SPACA6: variants seen among roughly 807,000 people sequenced by gnomAD.
SPACA6 encodes the protein sperm acrosome associated 6, also known as sperm acrosome membrane-associated protein 6.
For synonymous variants in SPACA6, 6 were observed against 1.5 expected, an observed-to-expected ratio of 4.05 and a Z score of -2.21; for missense variants, 8 against 2.8, an observed-to-expected ratio of 2.88 and a Z score of -1.34.
intron 2 of SPACA6, 75 bp downstream of exon 2, chr19:51,694,630 G>A: frequency 2.5e-6 from 1 of 399,316 alleles, no homozygotes; most frequent in Non-Finnish European, 4.4e-6. Context: ...GGAGGGCCCA[G>A]GGCAGAGGAA....
At chr19:51,693,987 G>A (rs75253143) in intron 1 of SPACA6, 23,368 of 340,252 alleles carry the variant, frequency 0.069, 1,023 homozygotes, top group Non-Finnish European at 0.089. Flanking sequence ...GAGAGGGGGA[G>A]GATGGAGACT....
intron 2 of SPACA6, among the ~76,000 whole-genome samples, chr19:51,697,497 G>A (rs1372301188): frequency 6.6e-6 from 1 of 152,154 alleles, no homozygotes; most frequent in East Asian, 1.9e-4. Context: ...TCCTCTACCG[G>A]CCCTGTGAGG....
chr19:51,689,946 C>T (rs1400340574), upstream of SPACA6, among the ~76,000 whole-genome samples: 4 of 135,250 alleles, frequency 3.0e-5, no homozygotes, highest in Non-Finnish European at 6.3e-5. Context: ...TAACGTCTGG[C>T]TGGAGGGGAG....
chr19:51,686,934 G>T (rs920917120), upstream of SPACA6: 4 of 152,154 alleles, frequency 2.6e-5, no homozygotes, highest in African/African-American at 9.7e-5. Flanking sequence ...CTAGAAGTAA[G>T]CATTTATCGA....
At position 51,703,994 on chromosome 19, in the gene SPACA6, CCG is replaced by C. The variant is rs1049781756; in HGVS notation, c.574-35_574-34del. 6 of 400,364 alleles carry C rather than the reference CCG, an allele frequency of 1.5e-5. No individual in the cohort carries two copies. The highest frequency in any genetic ancestry group is 1.3e-4 in the Admixed American group (3 of 22,702). The allele number at this position is 400,364 out of a possible 1,614,324, so 24.8% of individuals were successfully genotyped here. Reference sequence around the variant, plus strand: ...GGCTTGTAGGTTACTCAGTGGCAAGCCGGAGTTGAGGCGTTTAAACCCGCGTG... The same window carrying C: ...GGCTTGTAGGTTACTCAGTGGCAAGCGAGTTGAGGCGTTTAAACCCGCGTG... On this transcript the variant is annotated intron_variant, in intron 6 of 8. Transcript: ENST00000637797. This position sits in a 1 kb window ranked among gnomAD's most constrained non-coding sequence, Gnocchi z 4.2.
downstream of SPACA6, among the ~76,000 whole-genome samples, chr19:51,706,889 C>G (rs2083518646): frequency 6.6e-6 from 1 of 152,300 alleles, no homozygotes; most frequent in Non-Finnish European, 1.5e-5. Context: ...AAACTCCTCA[C>G]CTCAGGTGAT....
At chr19:51,688,668 G>A (rs1007548260), upstream of SPACA6, among the ~76,000 whole-genome samples, 1 of 152,096 alleles carries the variant, frequency 6.6e-6, no homozygotes, top group Non-Finnish European at 1.5e-5. Context: ...GAAAGCGAGA[G>A]AGAGGAAGAA....
chr19:51,694,935 G>C (rs2083415873), intron 2 of SPACA6, among the ~76,000 whole-genome samples: 1 of 151,996 alleles, frequency 6.6e-6, no homozygotes, highest in Admixed American at 6.6e-5. Context: ...CAATCTTCTT[G>C]CCTCCTAGGA....
chr19:51,693,496 T>C lies in SPACA6; in HGVS notation c.-31T>C. 1.9e-6 allele frequency: 1 copy of C among 516,206 alleles called. No homozygotes were observed. The highest frequency in any genetic ancestry group is 1.9e-5 in the African/African-American group (1 of 53,298). The allele number at this position is 516,206 out of a possible 1,614,324, so 32.0% of individuals were successfully genotyped here. A position where few individuals can be genotyped will look rare whatever the true frequency, so the allele number is the denominator to read the frequency against. ...CCTGTGGTGACTTCATAAAGGTTACTAGCTTCTCCCCTGGCCTTGAGACCC... is the reference window on the plus strand; with the variant it reads ...CCTGTGGTGACTTCATAAAGGTTACCAGCTTCTCCCCTGGCCTTGAGACCC... On this transcript the variant is annotated 5_prime_UTR_variant, in exon 1 of 9. Transcript: ENST00000637797.
chr19:51,708,882 G>A (rs548398891), downstream of SPACA6, among the ~76,000 whole-genome samples: 14 of 151,970 alleles, frequency 9.2e-5, no homozygotes, highest in East Asian at 2.7e-3. Flanking sequence ...ACTGTTCCAG[G>A]CAAAAATTTA....
chr19:51,689,251 G>A (rs1464661577), upstream of SPACA6: 8 of 152,022 alleles, frequency 5.3e-5, no homozygotes, highest in East Asian at 1.6e-3. Flanking sequence ...GCCAGCTCCG[G>A]GGCAGGGGGG....
upstream of SPACA6, among the ~76,000 whole-genome samples, chr19:51,684,641 G>A (rs1464341906): frequency 6.6e-6 from 1 of 152,100 alleles, no homozygotes; most frequent in African/African-American, 2.4e-5. Flanking sequence ...CAGCTTCCCT[G>A]GGCCAAACTG....
At chr19:51,695,264 A>G (rs748659177) in intron 2 of SPACA6, among the ~76,000 whole-genome samples, 18 of 152,188 alleles carry the variant, frequency 1.2e-4, no homozygotes, top group Non-Finnish European at 2.6e-4. Flanking sequence ...AAGAGACCTC[A>G]GGGCTGGGGG....
At chr19:51,695,037 C>T (rs1447336723) in intron 2 of SPACA6, among the ~76,000 whole-genome samples, 1 of 149,424 alleles carries the variant, frequency 6.7e-6, no homozygotes, top group African/African-American at 2.6e-5. Flanking sequence ...CACACACACT[C>T]GCACACAGAC....
chr19:51,703,936 A>C lies in SPACA6; in HGVS notation c.574-94A>C, dbSNP rs1600143360. ...GGCGGGCTCAAGGCTCAGGGCCAGG[A>C]CTCCAGGGGGCGTGGTCTGGCTCGG... On this transcript the variant is annotated intron_variant, in intron 6 of 8. Transcript: ENST00000637797. This position sits in a 1 kb window ranked among gnomAD's most constrained non-coding sequence, Gnocchi z 4.2. 1 of 391,190 alleles carries C rather than the reference A, an allele frequency of 2.6e-6. No homozygotes were observed. Among genetic ancestry groups the C allele is most frequent in the Non-Finnish European group, 4.5e-6 (1 of 224,448 alleles). The allele number at this position is 391,190 out of a possible 1,614,324, so 24.2% of individuals were successfully genotyped here. A position where few individuals can be genotyped will look rare whatever the true frequency, so the allele number is the denominator to read the frequency against.
In SPACA6 at chr19:51,694,496, A is replaced by G. The variant is rs1480983571; in HGVS notation, c.233A>G (p.His78Arg). Residue 78 changes from histidine to arginine, a missense_variant, in exon 2 of 9, where the codon CAC becomes CGC. His to Arg is a conservative substitution (Grantham distance 29). Coordinates refer to ENST00000637797, the MANE Select transcript of SPACA6 (RefSeq NM_001316972.2). ...CCGCCAGACTATGATGAGAGAAGCC[A>G]CCTGCATGACACCTTCACCCAGATG... ...DTEINYDERS[H>R]LHDTFTQMTH... 2.5e-6 allele frequency: 1 copy of G among 399,740 alleles called. No individual in the cohort carries two copies. Among genetic ancestry groups the G allele is most frequent in the East Asian group, 3.6e-5 (1 of 28,074 alleles). The allele number at this position is 399,740 out of a possible 1,614,324, so 24.8% of individuals were successfully genotyped here.
At chr19:51,696,739 G>A (rs1014612179) in intron 2 of SPACA6, among the ~76,000 whole-genome samples, 14 of 152,236 alleles carry the variant, frequency 9.2e-5, no homozygotes, top group Middle Eastern at 3.4e-3. Context: ...ATGAACTACC[G>A]TACCTGGCTG....
intron 2 of SPACA6, among the ~76,000 whole-genome samples, chr19:51,711,110 A>C (rs1030267429): frequency 3.9e-5 from 6 of 152,150 alleles, no homozygotes. Context: ...CAAGTAAAGA[A>C]AGCGTTTCAA....
chr19:51,690,805 G>C (rs982133119), upstream of SPACA6, among the ~76,000 whole-genome samples: 19 of 151,914 alleles, frequency 1.3e-4, no homozygotes, highest in Middle Eastern at 3.4e-3. Context: ...GGGAATCTCT[G>C]AGATTCTCGG....
Sources: gnomAD v4.1 joint callset for allele counts (sites outside exome capture counted in the v4.1 genomes callset) on GRCh38, gnomAD v4.1.1 for gene constraint, Gnocchi (gnomAD v3.1) non-coding constraint, MANE v1.5 for transcripts, NCBI Gene and HGNC (gene_info 2026-07-23, HGNC 2026-07-21) for gene names.